COG4: variants seen among roughly 807,000 people sequenced by gnomAD.
The protein encoded by COG4 is conserved oligomeric Golgi complex subunit 4.
In COG4, 65 loss-of-function variants were observed where a neutral mutation model predicts 95.1. The observed-to-expected ratio is 0.68, with a 90% CI of 0.56 to 0.84. The LOEUF (loss-of-function observed/expected upper bound fraction) is 0.84, where lower values mean the gene tolerates loss of function less well. Ranked by LOEUF, COG4 falls within the 40% of genes least tolerant of loss-of-function variation. The pLI is 0.00. For missense variants in COG4, 1,045 were observed against 989.1 expected (o/e 1.06, Z -0.76); for synonymous variants, 421 against 374.8 (o/e 1.12, Z -1.42).
At chr16:70,515,722 T>C (rs920848622) in intron 3 of COG4, 1 of 205,694 alleles carries the variant, frequency 4.9e-6, no homozygotes, top group Non-Finnish European at 9.8e-6. Context: ...AAATAAAACA[T>C]GCTTGCTTGT....
At chr16:70,481,536 A>G (rs764299644) in intron 17 of COG4, 49 bp from the exon 18 acceptor site, 9 of 1,609,094 alleles carry the variant, frequency 5.6e-6, no homozygotes, top group Admixed American at 3.3e-5. Flanking sequence ...GCCAAGCAGA[A>G]CTGGCCTCCA....
chr16:70,486,197 G>T (rs763252754), intron 13 of COG4, among the ~76,000 whole-genome samples: 2 of 151,938 alleles, frequency 1.3e-5, no homozygotes, highest in African/African-American at 2.4e-5. Context: ...GCCCAGCCCA[G>T]AATGCCTGTT....
chr16:70,492,069 C>CA (rs1346128114), intron 12 of COG4, among the ~76,000 whole-genome samples: 1 of 152,118 alleles, frequency 6.6e-6, no homozygotes, highest in Non-Finnish European at 1.5e-5. Flanking sequence ...GACAGACACT[C>CA]AGAGTGACAA....
At chr16:70,511,499 G>A (rs895376704) in intron 5 of COG4, among the ~76,000 whole-genome samples, 25 of 152,004 alleles carry the variant, frequency 1.6e-4, no homozygotes, top group African/African-American at 6.0e-4. Flanking sequence ...AGGACTGCTT[G>A]AGGCCAGGAG....
intron 12 of COG4, among the ~76,000 whole-genome samples, chr16:70,493,878 G>A (rs2049292155): frequency 6.6e-6 from 1 of 152,172 alleles, no homozygotes; most frequent in African/African-American, 2.4e-5. Flanking sequence ...TGGTCTGCTG[G>A]TGGCATGATG....
At chr16:70,490,652 G>T (rs2049225058) in intron 12 of COG4, among the ~76,000 whole-genome samples, 1 of 152,124 alleles carries the variant, frequency 6.6e-6, no homozygotes, top group Admixed American at 6.6e-5. Flanking sequence ...CTCAGAGGTA[G>T]TGAGCTCAGG....
At chr16:70,490,519 G>C in intron 12 of COG4, 127 bp from the exon 13 acceptor site, 1 of 785,324 alleles carries the variant, frequency 1.3e-6, no homozygotes, top group Non-Finnish European at 2.2e-6. Context: ...TCAGACTTGC[G>C]CTAATGAAAA....
At chr16:70,501,360 A>C in intron 8 of COG4, 1 of 445,898 alleles carries the variant, frequency 2.2e-6, no homozygotes, top group Non-Finnish European at 4.1e-6. Context: ...TCTTTTCTTT[A>C]CTTTTTTTTT....
chr16:70,498,411 C>A (rs2049383884), intron 9 of COG4, among the ~76,000 whole-genome samples: 1 of 152,010 alleles, frequency 6.6e-6, no homozygotes, highest in Admixed American at 6.6e-5. Context: ...TCACCGCAAC[C>A]CCTGCCTCCC....
chr16:70,492,799 C>A (rs1422598389), intron 12 of COG4, among the ~76,000 whole-genome samples: 2 of 150,384 alleles, frequency 1.3e-5, no homozygotes, highest in Non-Finnish European at 1.5e-5. Flanking sequence ...CCCGTCTCTA[C>A]TAAAAATACA....
At chr16:70,490,492 G>A in intron 12 of COG4, 100 bp from the exon 13 acceptor site, 1 of 966,760 alleles carries the variant, frequency 1.0e-6, no homozygotes, top group Non-Finnish European at 1.7e-6. Context: ...GAAGCTCAGA[G>A]AAGGGCTGGC....
rs766724739 is a variant in COG4, at chr16:70,509,400, G to A, written c.845-12C>T. 1.8e-5 allele frequency: 29 copies of A among 1,614,116 alleles called. No homozygotes were observed. Among genetic ancestry groups the A allele is most frequent in the Non-Finnish European group, 2.4e-5 (28 of 1,179,966 alleles). ...AATGCGGGCAATCCCTAGAAGGGAG[G>A]AAGCAATAGGGTTATATTCCAAGTA... is the stretch of plus-strand genomic sequence containing the variant. On this transcript the variant is annotated splice_polypyrimidine_tract_variant and intron_variant, in intron 6 of 18. Coordinates refer to ENST00000323786, the MANE Select transcript of COG4 (RefSeq NM_015386.3).
At chr16:70,487,834 TG>T (rs1464866371) in intron 13 of COG4, among the ~76,000 whole-genome samples, 5 of 152,050 alleles carry the variant, frequency 3.3e-5, no homozygotes, top group Non-Finnish European at 5.9e-5. Context: ...TTTTTTTTTA[TG>T]TTTTTTTGAG....
At chr16:70,485,957 TTGA>T in intron 13 of COG4, among the ~76,000 whole-genome samples, 2 of 150,378 alleles carry the variant, frequency 1.3e-5, no homozygotes, top group Non-Finnish European at 3.0e-5. Context: ...GTGCAGTGGC[TTGA>T]TCTCGGTTCA....
chr16:70,523,366 C>A lies in COG4; in HGVS notation c.171+7G>T. On this transcript the variant is annotated splice_region_variant and intron_variant, in intron 1 of 18. Coordinates refer to ENST00000323786, the MANE Select transcript of COG4 (RefSeq NM_015386.3). ...CTCCATGAAAAAGAAGAGGCTCGAC[C>A]CCGCACCTCCTCGCCGCAGAGCCGT... 1 of 1,614,076 alleles carries A rather than the reference C, an allele frequency of 6.2e-7. No individual in the cohort carries two copies. Among genetic ancestry groups the A allele is most frequent in the Non-Finnish European group, 8.5e-7 (1 of 1,179,954 alleles).
chr16:70,503,922 T>C (rs939250053), intron 8 of COG4, among the ~76,000 whole-genome samples: 1 of 152,192 alleles, frequency 6.6e-6, no homozygotes, highest in Admixed American at 6.6e-5. Context: ...AGGTCTCAGA[T>C]CTAAGGTCAT....
At chr16:70,488,095 G>A (rs1476010282) in intron 13 of COG4, among the ~76,000 whole-genome samples, 1 of 151,700 alleles carries the variant, frequency 6.6e-6, no homozygotes, top group Admixed American at 6.6e-5. Context: ...AAAGTGCTGG[G>A]GTTATAGGTG....
At chr16:70,508,748 TA>T in intron 7 of COG4, 3 of 612,402 alleles carry the variant, frequency 4.9e-6, no homozygotes, top group Non-Finnish European at 9.1e-6. Context: ...GTTCTAGAAA[TA>T]CAATTGTATG....
In COG4 at chr16:70,509,956, A is replaced by G. The variant is rs1162717598; in HGVS notation, c.804T>C (p.Ala268=). Residue 268 remains alanine, a synonymous_variant, in exon 6 of 19, where the codon GCT becomes GCC. Coordinates refer to ENST00000323786, the MANE Select transcript of COG4 (RefSeq NM_015386.3). ...VLGTDMSDRR[A]AVIFADTLTL... ...TAAGTGTATCTGCAAAGATGACTGC[A>G]GCTCTCCGATCACTCATGTCTGTCC... 1 of 1,613,888 alleles carries G rather than the reference A, an allele frequency of 6.2e-7. No homozygotes were observed. The highest frequency in any genetic ancestry group is 2.2e-5 in the East Asian group (1 of 44,882).
Sources: allele counts gnomAD v4.1 joint callset (sites outside exome capture counted in the v4.1 genomes callset), GRCh38; gene constraint gnomAD v4.1.1; transcripts MANE v1.5; gene names NCBI Gene and HGNC (gene_info 2026-07-23, HGNC 2026-07-21).